Variants in USP13 observed in about 807,000 individuals in gnomAD.
The protein encoded by USP13 is ubiquitin specific peptidase 13, also known as ubiquitin carboxyl-terminal hydrolase 13.
In USP13, 68 loss-of-function variants were observed where a neutral mutation model predicts 107.8. The ratio of observed to expected loss-of-function variants is 0.63; its 90% confidence interval spans 0.52 to 0.77. The LOEUF is 0.77. Among genes scored for constraint, USP13 ranks in the 30% least tolerant of loss-of-function variants. The pLI, the probability that USP13 is intolerant of heterozygous loss-of-function variation, is 0.00. For missense variants in USP13, 945 were observed against 1,093.3 expected (o/e 0.86, Z 1.91); for synonymous variants, 377 against 389.5 (o/e 0.97, Z 0.38).
chr3:179,736,235 A>G (rs182988831), intron 10 of USP13, among the ~76,000 whole-genome samples: 6 of 152,324 alleles, frequency 3.9e-5, no homozygotes, highest in African/African-American at 9.6e-5. Context: ...TTTGCTCTAA[A>G]GATTGCTTCC....
intron 2 of USP13, among the ~76,000 whole-genome samples, chr3:179,684,139 T>C (rs771768890): frequency 3.9e-5 from 6 of 151,910 alleles, no homozygotes; most frequent in Non-Finnish European, 8.8e-5. Context: ...TTTTGTATTT[T>C]TAGTAGAGAC....
intron 11 of USP13, among the ~76,000 whole-genome samples, 159 bp downstream of exon 11, chr3:179,740,531 C>G (rs1209226672): frequency 1.3e-5 from 2 of 152,196 alleles, no homozygotes; most frequent in African/African-American, 2.4e-5. Flanking sequence ...AAACTCTCTG[C>G]TCAGCCAACT....
At chr3:179,711,592 T>C (rs570761575) in intron 6 of USP13, among the ~76,000 whole-genome samples, 6 of 152,152 alleles carry the variant, frequency 3.9e-5, no homozygotes, top group African/African-American at 1.4e-4. Flanking sequence ...TATTAAAAAC[T>C]AAGACACAAA....
chr3:179,672,088 A>G (rs1201484866), intron 1 of USP13, among the ~76,000 whole-genome samples: 1 of 152,228 alleles, frequency 6.6e-6, no homozygotes, highest in African/African-American at 2.4e-5. Context: ...TTCTCTGAAC[A>G]CCTACCGATT....
intron 8 of USP13, among the ~76,000 whole-genome samples, chr3:179,729,173 T>G (rs750190644): frequency 6.6e-6 from 1 of 152,074 alleles, no homozygotes; most frequent in Non-Finnish European, 1.5e-5. Context: ...AAGTGGGGAT[T>G]TATAAACAAG....
intron 1 of USP13, among the ~76,000 whole-genome samples, chr3:179,658,738 AT>A (rs151031643): frequency 0.011 from 1,646 of 152,138 alleles, 34 homozygotes; most frequent in African/African-American, 0.038. Context: ...AGAGTACTGT[AT>A]TTATCCACTG....
rs923232253 is a variant in USP13, at chr3:179,678,004, A to G, written c.169-3874A>G. On this transcript the variant is annotated intron_variant, in intron 1 of 20. Coordinates refer to ENST00000263966, the MANE Select transcript of USP13 (RefSeq NM_003940.3). This position sits in a 1 kb window ranked among gnomAD's most constrained non-coding sequence, Gnocchi z 4.2. ...ATATATTTCACCCCCTTTAAATTTC[A>G]TGCAACTCTGTGTCGTGGGAATTAT... 6.6e-6 allele frequency among the ~76,000 whole-genome samples: 1 copy of G among 152,176 alleles called. No homozygotes were observed. Among genetic ancestry groups the G allele is most frequent in the African/African-American group, 2.4e-5 (1 of 41,448 alleles).
At position 179,672,885 on chromosome 3, in the gene USP13, A is replaced by G. The variant is rs147394860; in HGVS notation, c.169-8993A>G. Among the ~76,000 whole-genome samples, 574 of 152,324 alleles carry G rather than the reference A, an allele frequency of 3.8e-3. 7 individuals carry two copies. Among genetic ancestry groups the G allele is most frequent in the African/African-American group, 0.013 (537 of 41,578 alleles). On this transcript the variant is annotated intron_variant, in intron 1 of 20. Coordinates refer to ENST00000263966, the MANE Select transcript of USP13 (RefSeq NM_003940.3). ...TCATAAAAATGATCATTAGAATCCT[A>G]TTTAGCTTAGGATTGTGCACAGAAC...
chr3:179,713,159 A>G (rs1042239437), intron 6 of USP13, among the ~76,000 whole-genome samples: 1 of 152,236 alleles, frequency 6.6e-6, no homozygotes, highest in Non-Finnish European at 1.5e-5. Flanking sequence ...ATCTGTTTCA[A>G]TCATAGAAAG....
At chr3:179,675,665 A>G (rs1720873214) in intron 1 of USP13, among the ~76,000 whole-genome samples, 2 of 151,882 alleles carry the variant, frequency 1.3e-5, no homozygotes, top group Admixed American at 6.6e-5. Flanking sequence ...CTCCTGCCTC[A>G]GCCTCCTGAG....
At chr3:179,761,375 T>A in intron 17 of USP13, 120 bp downstream of exon 17, 2 of 1,292,750 alleles carry the variant, frequency 1.5e-6, no homozygotes, top group Admixed American at 5.3e-5. Flanking sequence ...TAGTTCCTAA[T>A]CTCCTGCAGT....
chr3:179,740,409 G>A lies in USP13; in HGVS notation c.1380+37G>A, dbSNP rs200987751. On this transcript the variant is annotated intron_variant, in intron 11 of 20. Coordinates refer to ENST00000263966, the MANE Select transcript of USP13 (RefSeq NM_003940.3). ...GTCTTCACGGATGCTCAGCGGGGTT[G>A]TAAGAGGGTGCCGAGCCACTCAGTG... is the stretch of plus-strand genomic sequence containing the variant. The A allele has an allele frequency of 1.9e-6, 3 of 1,613,026 alleles. No homozygotes were observed. The East Asian group carries it at 6.7e-5, about 36-fold the overall frequency.
chr3:179,774,709 G>A (rs1715460951), intron 19 of USP13, among the ~76,000 whole-genome samples: 1 of 152,204 alleles, frequency 6.6e-6, no homozygotes, highest in South Asian at 2.1e-4. Context: ...TTTGGAAGGG[G>A]ACCCAAGCAG....
chr3:179,747,970 T>C (rs9862823), intron 13 of USP13, among the ~76,000 whole-genome samples: 73,505 of 152,048 alleles, frequency 0.48, 18,056 homozygotes, highest in East Asian at 0.65. Flanking sequence ...TAGTACTGGG[T>C]GTATCCAGTT....
chr3:179,738,457 C>T (rs141542855), intron 10 of USP13, among the ~76,000 whole-genome samples: 1 of 152,196 alleles, frequency 6.6e-6, no homozygotes, highest in Non-Finnish European at 1.5e-5. Flanking sequence ...GGTGTTAAGA[C>T]CACTTTGAGT....
chr3:179,678,035 C>T lies in USP13; in HGVS notation c.169-3843C>T, dbSNP rs372653994. On this transcript the variant is annotated intron_variant, in intron 1 of 20. Coordinates refer to ENST00000263966, the MANE Select transcript of USP13 (RefSeq NM_003940.3). The surrounding 1 kb of genome is among the most constrained non-coding windows in gnomAD (Gnocchi z 4.2). The stretch of plus-strand genomic sequence containing the variant: ...CTCTGTGTCGTGGGAATTATTGCTA[C>T]GGCCATGTTTATAGAGGAGAACACT... 5.9e-5 allele frequency among the ~76,000 whole-genome samples: 9 copies of T among 152,274 alleles called. No individual in the cohort carries two copies. In the East Asian group the frequency reaches 7.7e-4, roughly 13 times the overall value.
chr3:179,761,262 G>A lies in USP13; in HGVS notation c.2092+7G>A, dbSNP rs748344849. On this transcript the variant is annotated splice_region_variant and intron_variant, in intron 17 of 20. Coordinates refer to ENST00000263966, the MANE Select transcript of USP13 (RefSeq NM_003940.3). Reference sequence around the variant, plus strand: ...GTTCACATGGAAGAGCCAGGTAGGTGGCGAGAAAATGGAATGGCTTTGGAG... The same window carrying A: ...GTTCACATGGAAGAGCCAGGTAGGTAGCGAGAAAATGGAATGGCTTTGGAG... 6.2e-7 allele frequency: 1 copy of A among 1,614,130 alleles called. No homozygotes were observed. The highest frequency in any genetic ancestry group is 1.1e-5 in the South Asian group (1 of 91,068).
intron 4 of USP13, among the ~76,000 whole-genome samples, chr3:179,704,844 C>G (rs1712657612): frequency 6.6e-6 from 1 of 152,188 alleles, no homozygotes; most frequent in Non-Finnish European, 1.5e-5. Flanking sequence ...GGGACCTCCT[C>G]CTTGTTCCTG....
At chr3:179,664,520 TA>T (rs1306112058) in intron 1 of USP13, among the ~76,000 whole-genome samples, 1 of 152,162 alleles carries the variant, frequency 6.6e-6, no homozygotes, top group Non-Finnish European at 1.5e-5. Context: ...GGGTGCTTGG[TA>T]AAAGATCCCA....
Sources: allele counts gnomAD v4.1 joint callset (sites outside exome capture counted in the v4.1 genomes callset), GRCh38; gene constraint gnomAD v4.1.1; non-coding constraint Gnocchi (gnomAD v3.1); transcripts MANE v1.5; gene names NCBI Gene and HGNC (gene_info 2026-07-23, HGNC 2026-07-21).